DNAJC1: variants seen among roughly 807,000 people sequenced by gnomAD.
DNAJC1 encodes dnaJ homolog subfamily C member 1.
Under a neutral mutation model 76.6 loss-of-function variants are expected in DNAJC1, and 58 were observed. The observed-to-expected ratio is 0.76, with a 90% CI of 0.61 to 0.94. The LOEUF is 0.94. Ranked by LOEUF, DNAJC1 falls within the 40% of genes least tolerant of loss-of-function variation. DNAJC1 has a pLI of 0.00. For synonymous variants in DNAJC1, 258 were observed against 267.9 expected (o/e 0.96, Z 0.36); for missense variants, 689 against 677.3 (o/e 1.02, Z -0.19).
chr10:21,814,431 A>G lies in DNAJC1; in HGVS notation c.979-8332T>C, dbSNP rs541888048. On this transcript the variant is annotated intron_variant, in intron 8 of 11. Coordinates refer to ENST00000376980, the MANE Select transcript of DNAJC1 (RefSeq NM_022365.4). ...AAAGTCTACTCCCTTTCAGAAAACAATTAGAGATACACACTCATAATGAGC... is the reference window on the plus strand; with the variant it reads ...AAAGTCTACTCCCTTTCAGAAAACAGTTAGAGATACACACTCATAATGAGC... Among the ~76,000 whole-genome samples the G allele has an allele frequency of 2.0e-5, 3 of 152,338 alleles. No homozygotes were observed. The South Asian group carries it at 6.2e-4, about 32-fold the overall frequency.
chr10:21,888,028 A>C (rs770212972), intron 7 of DNAJC1, among the ~76,000 whole-genome samples: 2 of 152,218 alleles, frequency 1.3e-5, no homozygotes, highest in Non-Finnish European at 2.9e-5. Flanking sequence ...GAACTTCAAT[A>C]AATATACAAG....
At position 21,997,463 on chromosome 10, in the gene DNAJC1, G is replaced by A. The variant is rs61850561; in HGVS notation, c.222+5750C>T. Among the ~76,000 whole-genome samples, 1,004 of 152,328 alleles carry A rather than the reference G, an allele frequency of 6.6e-3. 7 individuals are homozygous for A. The highest frequency in any genetic ancestry group is 0.011 in the Non-Finnish European group (717 of 68,028). ...TTGCCTTACTGGTCTGGGCAGAGAGGTGCAAAGAGACTGATTCCCACTACT... is the reference window on the plus strand; with the variant it reads ...TTGCCTTACTGGTCTGGGCAGAGAGATGCAAAGAGACTGATTCCCACTACT... On this transcript the variant is annotated intron_variant, in intron 1 of 11. Coordinates refer to ENST00000376980, the MANE Select transcript of DNAJC1 (RefSeq NM_022365.4).
chr10:21,780,720 G>A (rs1442513846), intron 9 of DNAJC1, among the ~76,000 whole-genome samples: 2 of 152,138 alleles, frequency 1.3e-5, no homozygotes, highest in African/African-American at 4.8e-5. Flanking sequence ...ACATCATAAT[G>A]ACAGGATCAG....
At chr10:21,870,024 C>T (rs1836076079) in intron 8 of DNAJC1, among the ~76,000 whole-genome samples, 1 of 151,952 alleles carries the variant, frequency 6.6e-6, no homozygotes, top group Non-Finnish European at 1.5e-5. Context: ...ACAGGTGAAT[C>T]TCTCTCATAA....
At chr10:21,757,199 C>T (rs2131613957) in intron 11 of DNAJC1, among the ~76,000 whole-genome samples, 1 of 152,312 alleles carries the variant, frequency 6.6e-6, no homozygotes, top group South Asian at 2.1e-4. Flanking sequence ...GGAGCCAGCC[C>T]CCAGGACACT....
At chr10:21,788,146 C>T (rs546369801) in intron 9 of DNAJC1, among the ~76,000 whole-genome samples, 79 of 152,346 alleles carry the variant, frequency 5.2e-4, no homozygotes, top group Non-Finnish European at 4.4e-5. Flanking sequence ...CCATTTCTCC[C>T]TCCAGAGGAA....
At chr10:21,921,375 T>A (rs1326184930) in intron 3 of DNAJC1, among the ~76,000 whole-genome samples, 1 of 152,012 alleles carries the variant, frequency 6.6e-6, no homozygotes, top group African/African-American at 2.4e-5. Context: ...GAATTACATA[T>A]TAATTGAATC....
chr10:21,924,857 T>C (rs1277137645), intron 3 of DNAJC1, among the ~76,000 whole-genome samples: 1 of 152,242 alleles, frequency 6.6e-6, no homozygotes, highest in Non-Finnish European at 1.5e-5. Flanking sequence ...GCTACAAACC[T>C]GTATAGCATG....
intron 8 of DNAJC1, among the ~76,000 whole-genome samples, chr10:21,825,222 CCT>C (rs967646393): frequency 8.5e-4 from 130 of 152,286 alleles, no homozygotes; most frequent in South Asian, 2.9e-3. Flanking sequence ...ACAATAACCC[CCT>C]GTCTCTAGTC....
At chr10:21,912,148 G>A (rs918660316) in intron 6 of DNAJC1, among the ~76,000 whole-genome samples, 6 of 152,048 alleles carry the variant, frequency 3.9e-5, no homozygotes, top group South Asian at 2.1e-4. Context: ...GACCTGGGGC[G>A]AAATTTATTC....
chr10:21,989,132 T>C (rs528925822), intron 1 of DNAJC1, among the ~76,000 whole-genome samples: 5 of 152,330 alleles, frequency 3.3e-5, no homozygotes, highest in South Asian at 2.1e-4. Context: ...CAATGCCTAA[T>C]AGCCTCTTAA....
At chr10:21,875,692 G>A (rs759599997) in intron 8 of DNAJC1, among the ~76,000 whole-genome samples, 20 of 152,164 alleles carry the variant, frequency 1.3e-4, no homozygotes, top group African/African-American at 3.6e-4. Flanking sequence ...TTGGGAGGCC[G>A]AGGCAGGCAG....
At chr10:21,764,776 T>A (rs1230644008) in intron 10 of DNAJC1, among the ~76,000 whole-genome samples, 2 of 152,208 alleles carry the variant, frequency 1.3e-5, no homozygotes, top group East Asian at 3.8e-4. Context: ...AATGAATATA[T>A]TTGTGACAAA....
At chr10:21,798,972 T>C (rs949838285) in intron 9 of DNAJC1, among the ~76,000 whole-genome samples, 4 of 152,208 alleles carry the variant, frequency 2.6e-5, no homozygotes, top group Non-Finnish European at 5.9e-5. Context: ...TGCAATGTCA[T>C]TGTGCACATA....
At chr10:21,829,860 C>T (rs1835328240) in intron 8 of DNAJC1, among the ~76,000 whole-genome samples, 1 of 152,114 alleles carries the variant, frequency 6.6e-6, no homozygotes, top group South Asian at 2.1e-4. Context: ...TTTATTCTTT[C>T]TCTTTTCATA....
chr10:21,806,328 TACTA>T (rs927489720), intron 8 of DNAJC1, among the ~76,000 whole-genome samples: 33 of 152,290 alleles, frequency 2.2e-4, no homozygotes, highest in African/African-American at 6.3e-4. Flanking sequence ...TTCCTACGTA[TACTA>T]ACTAAGAAAG....
chr10:21,999,330 C>A (rs930145155), intron 1 of DNAJC1, among the ~76,000 whole-genome samples: 3 of 152,264 alleles, frequency 2.0e-5, no homozygotes, highest in Admixed American at 6.5e-5. Flanking sequence ...CCCAGCTGAT[C>A]CCTTTGTCTT....
At chr10:21,969,448 T>C (rs570329861) in intron 1 of DNAJC1, among the ~76,000 whole-genome samples, 1 of 152,270 alleles carries the variant, frequency 6.6e-6, no homozygotes, top group South Asian at 2.1e-4. Flanking sequence ...TCAGAAATAC[T>C]GCATAGAGAA....
intron 8 of DNAJC1, among the ~76,000 whole-genome samples, chr10:21,870,938 G>C (rs972883817): frequency 7.7e-6 from 1 of 130,708 alleles, no homozygotes; most frequent in African/African-American, 2.8e-5. Context: ...ATCACAACCT[G>C]TATTACCAGT....
Sources: allele counts gnomAD v4.1 joint callset (sites outside exome capture counted in the v4.1 genomes callset), GRCh38; gene constraint gnomAD v4.1.1; transcripts MANE v1.5; gene names NCBI Gene and HGNC (gene_info 2026-07-23, HGNC 2026-07-21).